The following ERBB4 variants were observed in gnomAD, a reference collection of about 807,000 sequenced individuals.
ERBB4 encodes receptor tyrosine-protein kinase erbB-4.
Under a neutral mutation model 158.0 loss-of-function variants are expected in ERBB4, and 42 were observed. That is an observed-to-expected ratio of 0.27 (90% confidence interval 0.21 to 0.34). The LOEUF (loss-of-function observed/expected upper bound fraction) is 0.34. Ranked by LOEUF, ERBB4 falls within the 10% of genes least tolerant of loss-of-function variation. The pLI, the probability that ERBB4 is intolerant of heterozygous loss-of-function variation, is 1.00. For missense variants in ERBB4, 1,333 were observed against 1,624.1 expected, an observed-to-expected ratio of 0.82 and a Z score of 3.08; for synonymous variants, 583 against 558.7, an observed-to-expected ratio of 1.04 and a Z score of -0.61.
chr2:211,756,785 C>T (rs1000510566), intron 4 of ERBB4, among the ~76,000 whole-genome samples: 1 of 152,098 alleles, frequency 6.6e-6, no homozygotes, highest in Non-Finnish European at 1.5e-5. Context: ...CATATAATTC[C>T]AAACTGTTAG....
intron 3 of ERBB4, among the ~76,000 whole-genome samples, chr2:211,816,540 C>CAAAAAAAA (rs34323414): frequency 1.5e-5 from 1 of 65,886 alleles, no homozygotes; most frequent in Non-Finnish European, 2.9e-5. Flanking sequence ...GAGCCCGTCT[C>CAAAAAAAA]AAAAAAAAAA....
intron 2 of ERBB4, among the ~76,000 whole-genome samples, chr2:212,004,227 C>G (rs981245061): frequency 1.3e-5 from 2 of 152,126 alleles, no homozygotes; most frequent in Admixed American, 1.3e-4. Flanking sequence ...TAATTGACAG[C>G]AAATTTTGAA....
chr2:211,747,406 T>C (rs151245607), intron 5 of ERBB4, among the ~76,000 whole-genome samples: 1 of 152,018 alleles, frequency 6.6e-6, no homozygotes, highest in East Asian at 1.9e-4. Flanking sequence ...GGGGCAGAAA[T>C]CACTTCTGGT....
chr2:212,359,964 G>A (rs1336897968), intron 1 of ERBB4, among the ~76,000 whole-genome samples: 1 of 151,536 alleles, frequency 6.6e-6, no homozygotes. Context: ...TGTCTAAAGA[G>A]AAATTTGCAT....
At chr2:212,146,662 G>A (rs2080684863) in intron 1 of ERBB4, among the ~76,000 whole-genome samples, 1 of 152,072 alleles carries the variant, frequency 6.6e-6, no homozygotes, top group Non-Finnish European at 1.5e-5. Context: ...ACAGCTAGGG[G>A]GCTTTTTGCA....
At chr2:212,521,461 C>T (rs896560685) in intron 1 of ERBB4, among the ~76,000 whole-genome samples, 2 of 151,772 alleles carry the variant, frequency 1.3e-5, no homozygotes, top group African/African-American at 2.4e-5. Flanking sequence ...ATAGGACACA[C>T]AAAAGTCAAG....
At chr2:211,904,808 T>C (rs891844879) in intron 3 of ERBB4, among the ~76,000 whole-genome samples, 9 of 152,164 alleles carry the variant, frequency 5.9e-5, no homozygotes, top group African/African-American at 2.2e-4. Flanking sequence ...CTCACTAGTA[T>C]ATAATTAGCA....
intron 3 of ERBB4, among the ~76,000 whole-genome samples, chr2:211,850,758 C>G (rs527360937): frequency 2.0e-5 from 3 of 151,996 alleles, no homozygotes; most frequent in Admixed American, 2.0e-4. Context: ...GGGGCCAGAT[C>G]ATGGCTTAGT....
intron 1 of ERBB4, among the ~76,000 whole-genome samples, chr2:212,149,206 A>C (rs780397160): frequency 2.9e-4 from 44 of 152,168 alleles, no homozygotes; most frequent in Non-Finnish European, 5.7e-4. Context: ...TTCTAAATTC[A>C]CATACATGAG....
chr2:212,411,528 A>G (rs1252777681), intron 1 of ERBB4, among the ~76,000 whole-genome samples: 1 of 152,188 alleles, frequency 6.6e-6, no homozygotes, highest in African/African-American at 2.4e-5. Context: ...CTCCCTCCCT[A>G]GAATATGCGT....
At chr2:211,969,960 A>T (rs2081406394) in intron 2 of ERBB4, among the ~76,000 whole-genome samples, 2 of 151,716 alleles carry the variant, frequency 1.3e-5, no homozygotes, top group Admixed American at 1.3e-4. Context: ...TGGTTCTCTA[A>T]TTCTTTTAGT....
intron 2 of ERBB4, among the ~76,000 whole-genome samples, chr2:212,050,252 C>A (rs2077365229): frequency 6.6e-6 from 1 of 152,080 alleles, no homozygotes; most frequent in Non-Finnish European, 1.5e-5. Flanking sequence ...AACTTTCTGG[C>A]AAAGTTTAGA....
chr2:212,107,047 G>A (rs2079250438), intron 2 of ERBB4, among the ~76,000 whole-genome samples: 1 of 152,238 alleles, frequency 6.6e-6, no homozygotes, highest in African/African-American at 2.4e-5. Flanking sequence ...GAAATTTGGG[G>A]TGGGTGCCCC....
At chr2:212,148,702 A>C (rs2080765332) in intron 1 of ERBB4, among the ~76,000 whole-genome samples, 2 of 151,594 alleles carry the variant, frequency 1.3e-5, no homozygotes, top group Non-Finnish European at 2.9e-5. Flanking sequence ...GCTGCTATAA[A>C]GACACATGCA....
At chr2:211,803,316 A>G (rs1441228336) in intron 3 of ERBB4, among the ~76,000 whole-genome samples, 2 of 152,188 alleles carry the variant, frequency 1.3e-5, no homozygotes, top group East Asian at 3.9e-4. Flanking sequence ...TAACACTAAG[A>G]CCATAAAACT....
intron 4 of ERBB4, among the ~76,000 whole-genome samples, chr2:211,751,925 T>G (rs1006104402): frequency 1.3e-5 from 2 of 152,180 alleles, no homozygotes; most frequent in African/African-American, 4.8e-5. Flanking sequence ...AATACTTAGG[T>G]TCAATTCCAG....
intron 14 of ERBB4, among the ~76,000 whole-genome samples, chr2:211,670,493 C>T (rs2071798951): frequency 6.6e-6 from 1 of 151,994 alleles, no homozygotes; most frequent in African/African-American, 2.4e-5. Flanking sequence ...TGCAAAAACC[C>T]ACAAATTAGG....
intron 2 of ERBB4, among the ~76,000 whole-genome samples, chr2:212,017,477 T>G (rs1224993696): frequency 6.6e-6 from 1 of 152,146 alleles, no homozygotes; most frequent in Non-Finnish European, 1.5e-5. Context: ...AAACTTATTT[T>G]CAATTAAAAA....
chr2:211,888,787 C>A (rs555427376), intron 3 of ERBB4, among the ~76,000 whole-genome samples: 1 of 151,696 alleles, frequency 6.6e-6, no homozygotes, highest in East Asian at 2.0e-4. Context: ...AAAGGGGTGA[C>A]GGACGCACCT....
Sources: allele counts gnomAD v4.1 joint callset (sites outside exome capture counted in the v4.1 genomes callset), GRCh38; gene constraint gnomAD v4.1.1; transcripts MANE v1.5; gene names NCBI Gene and HGNC (gene_info 2026-07-23, HGNC 2026-07-21).